The following PRELID2 variants were observed in gnomAD, a reference collection of about 807,000 sequenced individuals.
PRELID2 encodes PRELI domain containing 2, also known as PRELI domain-containing protein 2.
In PRELID2, 25 loss-of-function variants were observed where a neutral mutation model predicts 28.4. That is an observed-to-expected ratio of 0.88 (90% CI 0.64 to 1.23). The LOEUF (loss-of-function observed/expected upper bound fraction) is 1.23. PRELID2 is among the 50% of genes most tolerant of loss of function. The pLI is 0.00. For synonymous variants in PRELID2, 76 were observed against 71.6 expected (o/e 1.06, Z -0.31); for missense variants, 201 against 214.4 (o/e 0.94, Z 0.39).
intron 1 of PRELID2, among the ~76,000 whole-genome samples, chr5:145,575,507 G>A (rs1016143604): frequency 2.6e-5 from 4 of 152,122 alleles, no homozygotes; most frequent in Non-Finnish European, 5.9e-5. Flanking sequence ...ATAGATAGCA[G>A]AAATTAGAAT....
intron 1 of PRELID2, among the ~76,000 whole-genome samples, chr5:145,691,397 C>T (rs1755146176): frequency 6.6e-6 from 1 of 152,128 alleles, no homozygotes; most frequent in African/African-American, 2.4e-5. Context: ...TAGAATCCCA[C>T]ACAGCTTCAG....
At chr5:145,406,996 C>T in the PRELID2 span, among the ~76,000 whole-genome samples, 21 of 152,242 alleles carry the variant, frequency 1.4e-4, no homozygotes, top group South Asian at 2.9e-3. Flanking sequence ...AGGCAGCCAG[C>T]AGAATTAGGG....
Position 145,650,586 on chromosome 5 carries a change from A to AT in PRELID2, n.70+114344dup, listed in dbSNP as rs541890998. 3.2e-3 allele frequency among the ~76,000 whole-genome samples: 414 copies of AT among 131,068 alleles called. 1 individual carries two copies. The highest frequency in any genetic ancestry group is 0.011 in the African/African-American group (391 of 35,498). 86.0% of individuals were successfully genotyped at this position (131,068 alleles called of 152,430 possible). ...TATATATATATATATAGACTAAAATATTTTTTTTAATTTGGTTAAAATCTA... is the reference window on the plus strand; with the variant it reads ...TATATATATATATATAGACTAAAATATTTTTTTTTAATTTGGTTAAAATCTA... On this transcript the variant is annotated intron_variant and non_coding_transcript_variant, in intron 1 of 2. Coordinates refer to the PRELID2 transcript ENST00000510259.
the PRELID2 span, among the ~76,000 whole-genome samples, chr5:145,418,402 T>A: frequency 6.6e-6 from 1 of 152,084 alleles, no homozygotes; most frequent in African/African-American, 2.4e-5. Flanking sequence ...TTAAAATTCA[T>A]AGAGAACCAA....
chr5:145,230,181 G>A, the PRELID2 span: 1 of 395,546 alleles, frequency 2.5e-6, no homozygotes, highest in Admixed American at 3.5e-5. Flanking sequence ...GGGCTGCCAG[G>A]CCCCAGCTTT....
intron 1 of PRELID2, among the ~76,000 whole-genome samples, chr5:145,616,668 A>G (rs1211495071): frequency 1.3e-5 from 2 of 152,202 alleles, no homozygotes; most frequent in Non-Finnish European, 2.9e-5. Context: ...TGTGCTTCAC[A>G]AGGTAATAGA....
chr5:145,648,860 A>C (rs1023455810), intron 1 of PRELID2, among the ~76,000 whole-genome samples: 4 of 151,094 alleles, frequency 2.6e-5, no homozygotes, highest in African/African-American at 9.7e-5. Context: ...TAAACCTTTC[A>C]TCGTGTTTTG....
chr5:145,347,377 G>C, the PRELID2 span, among the ~76,000 whole-genome samples: 2,352 of 152,240 alleles, frequency 0.015, 54 homozygotes, highest in African/African-American at 0.053. Flanking sequence ...CATCTTTCCA[G>C]TTCACCCACA....
the PRELID2 span, among the ~76,000 whole-genome samples, chr5:145,447,572 T>G: frequency 7.4e-6 from 1 of 134,230 alleles, no homozygotes. Context: ...CTGCACCCAC[T>G]AACTCGTCAT....
At chr5:145,831,092 A>T (rs1755554568) in intron 1 of PRELID2, among the ~76,000 whole-genome samples, 1 of 152,346 alleles carries the variant, frequency 6.6e-6, no homozygotes, top group East Asian at 1.9e-4. Flanking sequence ...ATAAAAGTGT[A>T]TTTTGCCAAA....
chr5:145,535,671 A>G (rs1269620509), intron 1 of PRELID2, among the ~76,000 whole-genome samples: 1 of 151,910 alleles, frequency 6.6e-6, no homozygotes, highest in Non-Finnish European at 1.5e-5. Context: ...ATAGCTGCCT[A>G]TGTTCTGCAG....
chr5:145,570,995 C>T (rs927623659), intron 1 of PRELID2, among the ~76,000 whole-genome samples: 3 of 152,192 alleles, frequency 2.0e-5, no homozygotes, highest in Non-Finnish European at 4.4e-5. Context: ...ATGCTGGGCT[C>T]TTAATAAATG....
At chr5:145,421,380 G>C in the PRELID2 span, among the ~76,000 whole-genome samples, 1 of 150,794 alleles carries the variant, frequency 6.6e-6, no homozygotes, top group Non-Finnish European at 1.5e-5. Context: ...TTTTTGGTTG[G>C]TAAGCTATTG....
the PRELID2 span, among the ~76,000 whole-genome samples, chr5:145,327,862 C>T: frequency 1.3e-5 from 2 of 152,000 alleles, no homozygotes; most frequent in Non-Finnish European, 2.9e-5. Flanking sequence ...TATAAACATG[C>T]CATGGTGGTT....
intron 1 of PRELID2, among the ~76,000 whole-genome samples, chr5:145,634,953 A>G (rs1753980682): frequency 6.6e-6 from 1 of 152,230 alleles, no homozygotes; most frequent in South Asian, 2.1e-4. Context: ...TGTAGCAGCC[A>G]GTCACAGTTA....
At chr5:145,294,880 A>G in the PRELID2 span, among the ~76,000 whole-genome samples, 2 of 152,134 alleles carry the variant, frequency 1.3e-5, no homozygotes, top group Non-Finnish European at 2.9e-5. Flanking sequence ...GAATTTCCAG[A>G]TGAATGAATT....
chr5:145,824,696 A>G (rs1244916701), intron 1 of PRELID2, among the ~76,000 whole-genome samples: 1 of 152,108 alleles, frequency 6.6e-6, no homozygotes, highest in African/African-American at 2.4e-5. Context: ...TATAAACCTC[A>G]ATGACCTCAG....
At chr5:145,483,741 A>G (rs1218289671) in intron 1 of PRELID2, among the ~76,000 whole-genome samples, 1 of 152,240 alleles carries the variant, frequency 6.6e-6, no homozygotes, top group Non-Finnish European at 1.5e-5. Flanking sequence ...CTAAATCACA[A>G]TCTACGGAGT....
chr5:145,361,463 A>T, the PRELID2 span, among the ~76,000 whole-genome samples: 1 of 152,168 alleles, frequency 6.6e-6, no homozygotes, highest in Non-Finnish European at 1.5e-5. Context: ...AACAGCTGGC[A>T]GGAGCCAGAT....
Sources: gnomAD v4.1 joint callset for allele counts (sites outside exome capture counted in the v4.1 genomes callset) on GRCh38, gnomAD v4.1.1 for gene constraint, MANE v1.5 for transcripts, NCBI Gene and HGNC (gene_info 2026-07-23, HGNC 2026-07-21) for gene names.